The following COMMD10 variants were observed in gnomAD, a reference collection of about 807,000 sequenced individuals.
COMMD10 encodes COMM domain-containing protein 10.
Under a neutral mutation model 28.9 loss-of-function variants are expected in COMMD10, and 33 were observed. The ratio of observed to expected loss-of-function variants is 1.14; its 90% confidence interval spans 0.87 to 1.53. COMMD10 has a LOEUF of 1.53. Among genes scored for constraint, COMMD10 ranks in the 40% most tolerant of loss-of-function variants. The probability of loss-of-function intolerance (pLI) is 0.00; values close to 1 mark genes in which losing one functional copy is unlikely to be tolerated. For missense variants in COMMD10, 310 were observed against 233.4 expected (o/e 1.33, Z -2.14); for synonymous variants, 110 against 81.7 (o/e 1.35, Z -1.87).
At chr5:116,238,657 A>C (rs1367009838) in intron 5 of COMMD10, among the ~76,000 whole-genome samples, 1 of 152,180 alleles carries the variant, frequency 6.6e-6, no homozygotes, top group Non-Finnish European at 1.5e-5. Context: ...ATTCAATTTA[A>C]CAACATCAAT....
At chr5:116,247,511 G>C (rs890043925) in intron 5 of COMMD10, among the ~76,000 whole-genome samples, 1 of 151,992 alleles carries the variant, frequency 6.6e-6, no homozygotes, top group East Asian at 1.9e-4. Context: ...TTATTATAAA[G>C]ACACATACGT....
intron 5 of COMMD10, among the ~76,000 whole-genome samples, chr5:116,226,604 T>G (rs1159448598): frequency 1.3e-5 from 2 of 151,842 alleles, no homozygotes; most frequent in African/African-American, 4.8e-5. Flanking sequence ...TTGGGGGACT[T>G]GGGACTAAAA....
chr5:116,262,040 G>T (rs1414164469), intron 5 of COMMD10, among the ~76,000 whole-genome samples: 1 of 151,632 alleles, frequency 6.6e-6, no homozygotes, highest in African/African-American at 2.4e-5. Context: ...GATAAAGAAG[G>T]TAAGGCACAG....
intron 5 of COMMD10, among the ~76,000 whole-genome samples, chr5:116,258,305 C>G (rs1427772861): frequency 6.6e-6 from 1 of 151,744 alleles, no homozygotes; most frequent in Non-Finnish European, 1.5e-5. Context: ...CTCTCTTCCT[C>G]CCTGTTACTA....
chr5:116,214,307 C>A (rs1749044299), intron 5 of COMMD10, among the ~76,000 whole-genome samples: 1 of 151,396 alleles, frequency 6.6e-6, no homozygotes, highest in Non-Finnish European at 1.5e-5. Flanking sequence ...TATCCACTCT[C>A]ATGAAATTTA....
intron 4 of COMMD10, among the ~76,000 whole-genome samples, chr5:116,114,024 T>G (rs1427937191): frequency 6.6e-6 from 1 of 152,234 alleles, no homozygotes; most frequent in African/African-American, 2.4e-5. Context: ...TGGTGAATAC[T>G]TTATGATATT....
intron 4 of COMMD10, among the ~76,000 whole-genome samples, chr5:116,098,919 A>G (rs1230319949): frequency 6.6e-6 from 1 of 152,206 alleles, no homozygotes; most frequent in African/African-American, 2.4e-5. Context: ...CCATAATCAA[A>G]TTAATCAACA....
At chr5:116,130,748 A>G (rs1751837948) in intron 4 of COMMD10, among the ~76,000 whole-genome samples, 1 of 152,024 alleles carries the variant, frequency 6.6e-6, no homozygotes, top group African/African-American at 2.4e-5. Context: ...CACAGTCTTG[A>G]TTAACATGAG....
At chr5:116,158,167 C>T (rs1752788968) in intron 5 of COMMD10, among the ~76,000 whole-genome samples, 1 of 76,778 alleles carries the variant, frequency 1.3e-5, no homozygotes, top group Non-Finnish European at 2.4e-5. Context: ...CCTCCCTCCT[C>T]TCCCTCCGTC....
At chr5:116,219,270 A>G (rs766920585) in intron 5 of COMMD10, among the ~76,000 whole-genome samples, 6 of 152,080 alleles carry the variant, frequency 3.9e-5, no homozygotes, top group Non-Finnish European at 7.4e-5. Context: ...GCCCTAGCAA[A>G]CCGATACATA....
chr5:116,166,752 C>T (rs1400139196), intron 5 of COMMD10, among the ~76,000 whole-genome samples: 3 of 152,072 alleles, frequency 2.0e-5, no homozygotes, highest in Non-Finnish European at 4.4e-5. Flanking sequence ...AGCAGAGGGG[C>T]CTGACTGTTA....
At chr5:116,254,478 A>G (rs1303351448) in intron 5 of COMMD10, among the ~76,000 whole-genome samples, 2 of 151,002 alleles carry the variant, frequency 1.3e-5, no homozygotes, top group African/African-American at 2.5e-5. Context: ...AATGCGTCCC[A>G]GAGATTCTGG....
At chr5:116,217,301 A>G (rs1196909689) in intron 5 of COMMD10, among the ~76,000 whole-genome samples, 4 of 152,140 alleles carry the variant, frequency 2.6e-5, no homozygotes, top group African/African-American at 9.7e-5. Context: ...TTAACAGTAC[A>G]CAACAACTTT....
At position 116,288,198 on chromosome 5, in the gene COMMD10, G is replaced by C. The variant is rs1005525634; in HGVS notation, c.511-3319G>C. ...TCACTTTTGAAGAACTGTTTTGCCA[G>C]ATGCAGTATTCCTGATTAATAGTTT... On this transcript the variant is annotated intron_variant, in intron 5 of 6. Coordinates refer to ENST00000274458, the MANE Select transcript of COMMD10 (RefSeq NM_016144.4). 3.3e-5 allele frequency among the ~76,000 whole-genome samples: 5 copies of C among 151,816 alleles called. 1 individual carries two copies. The highest frequency in any genetic ancestry group is 9.7e-5 in the African/African-American group (4 of 41,176).
intron 5 of COMMD10, among the ~76,000 whole-genome samples, chr5:116,283,122 C>A (rs1450893959): frequency 1.3e-5 from 2 of 151,810 alleles, no homozygotes; most frequent in African/African-American, 4.9e-5. Flanking sequence ...CATATAAATG[C>A]TTTTATCTCA....
intron 5 of COMMD10, among the ~76,000 whole-genome samples, chr5:116,236,500 G>A (rs532775122): frequency 0.011 from 1,152 of 108,856 alleles, 19 homozygotes; most frequent in African/African-American, 0.045. Flanking sequence ...GCAAGACTCC[G>A]TCTCAAAAAA....
At chr5:116,184,745 T>C (rs1203070275) in intron 5 of COMMD10, among the ~76,000 whole-genome samples, 1 of 152,112 alleles carries the variant, frequency 6.6e-6, no homozygotes, top group Non-Finnish European at 1.5e-5. Context: ...GAACTGTTTT[T>C]AATGGTATGT....
intron 5 of COMMD10, among the ~76,000 whole-genome samples, chr5:116,283,588 C>G (rs191771501): frequency 6.6e-6 from 1 of 151,650 alleles, no homozygotes; most frequent in African/African-American, 2.4e-5. Context: ...CTCAGGTGAT[C>G]TGCCTGCCTT....
chr5:116,209,721 A>G (rs945533743), intron 5 of COMMD10, among the ~76,000 whole-genome samples: 4 of 152,132 alleles, frequency 2.6e-5, no homozygotes, highest in Admixed American at 2.0e-4. Context: ...AGTATTTTCA[A>G]TTAACTTTCT....
Sources: allele counts gnomAD v4.1 joint callset (sites outside exome capture counted in the v4.1 genomes callset), GRCh38; gene constraint gnomAD v4.1.1; transcripts MANE v1.5; gene names NCBI Gene and HGNC (gene_info 2026-07-23, HGNC 2026-07-21).